SNCAIP: variants seen among roughly 807,000 people sequenced by gnomAD.
The protein encoded by SNCAIP is synphilin-1.
SNCAIP carries 43 observed loss-of-function variants against 86.7 expected under a neutral mutation model. The observed-to-expected ratio is 0.50, with a 90% CI of 0.39 to 0.64. The LOEUF is 0.64. Ranked by LOEUF, SNCAIP falls within the 30% of genes least tolerant of loss-of-function variation. The pLI is 0.00. For synonymous variants in SNCAIP, 417 were observed against 427.2 expected (o/e 0.98, Z 0.29); for missense variants, 981 against 1,103.1 (o/e 0.89, Z 1.57).
chr5:122,426,562 T>C (rs1200739978), intron 5 of SNCAIP, among the ~76,000 whole-genome samples: 1 of 152,226 alleles, frequency 6.6e-6, no homozygotes, highest in Non-Finnish European at 1.5e-5. Context: ...TTTTGCTCGG[T>C]TAAGCAAGGT....
At chr5:122,418,726 A>G (rs2152917278) in intron 3 of SNCAIP, among the ~76,000 whole-genome samples, 1 of 152,302 alleles carries the variant, frequency 6.6e-6, no homozygotes. Flanking sequence ...CACTCTGTAA[A>G]TCAGGGGTAT....
At chr5:122,360,790 A>G (rs1333266804) in intron 1 of SNCAIP, among the ~76,000 whole-genome samples, 1 of 152,178 alleles carries the variant, frequency 6.6e-6, no homozygotes, top group Non-Finnish European at 1.5e-5. Flanking sequence ...ATATTCACTT[A>G]GCACCTAAAT....
In SNCAIP at chr5:122,431,966, T is replaced by C; in HGVS notation, c.1183-3T>C. On this transcript the variant is annotated splice_polypyrimidine_tract_variant and splice_region_variant and intron_variant, in intron 5 of 10. Coordinates refer to ENST00000261368, the MANE Select transcript of SNCAIP (RefSeq NM_005460.4). ...CCATCTCCCTTTCTTTTTTAAAACC[T>C]AGAATGGTCAGTTGGAGTGCGTACG... The C allele has an allele frequency of 2.0e-6, 3 of 1,472,458 alleles. No individual in the cohort carries two copies. Among genetic ancestry groups the C allele is most frequent in the Non-Finnish European group, 2.9e-6 (3 of 1,051,138 alleles). The allele number at this position is 1,472,458 out of a possible 1,614,324, so 91.2% of individuals were successfully genotyped here.
intron 1 of SNCAIP, among the ~76,000 whole-genome samples, chr5:122,340,354 T>G (rs1002247834): frequency 1.3e-5 from 2 of 152,180 alleles, no homozygotes; most frequent in African/African-American, 4.8e-5. Context: ...ATTGTATATG[T>G]GAACACAGAG....
intron 1 of SNCAIP, among the ~76,000 whole-genome samples, chr5:122,377,645 C>T (rs1364331225): frequency 1.3e-5 from 2 of 151,098 alleles, no homozygotes; most frequent in Admixed American, 6.6e-5. Flanking sequence ...CCTACTAACT[C>T]GTCATCTAGC....
intron 1 of SNCAIP, among the ~76,000 whole-genome samples, chr5:122,346,000 G>T (rs754793013): frequency 9.2e-5 from 14 of 152,094 alleles, no homozygotes; most frequent in East Asian, 1.9e-4. Context: ...GATGAGTGAA[G>T]GTGACAGGGA....
At chr5:122,460,180 C>T (rs1199616124) in intron 10 of SNCAIP, among the ~76,000 whole-genome samples, 1 of 151,114 alleles carries the variant, frequency 6.6e-6, no homozygotes, top group Non-Finnish European at 1.5e-5. Flanking sequence ...GCAGTGCAGT[C>T]GTGTGATCTT....
chr5:122,400,859 G>C (rs2152865554), intron 2 of SNCAIP: 2 of 997,192 alleles, frequency 2.0e-6, no homozygotes, highest in Non-Finnish European at 2.8e-6. Flanking sequence ...AACAAATTTA[G>C]ATCAAAAGTC....
At chr5:122,331,284 C>G (rs1461268725) in intron 1 of SNCAIP, among the ~76,000 whole-genome samples, 3 of 152,140 alleles carry the variant, frequency 2.0e-5, no homozygotes, top group Non-Finnish European at 4.4e-5. Context: ...GACGTGAAAT[C>G]TCAAGTTCAT....
intron 2 of SNCAIP, among the ~76,000 whole-genome samples, chr5:122,399,215 GA>G (rs1561667993): frequency 6.6e-6 from 1 of 152,126 alleles, no homozygotes; most frequent in Non-Finnish European, 1.5e-5. Context: ...GGCACACTTA[GA>G]AAACAGGATA....
intron 1 of SNCAIP, among the ~76,000 whole-genome samples, chr5:122,362,758 T>A (rs1194799895): frequency 6.6e-6 from 1 of 152,172 alleles, no homozygotes; most frequent in Non-Finnish European, 1.5e-5. Flanking sequence ...GAACTGAGCG[T>A]GAACTACATT....
intron 1 of SNCAIP, among the ~76,000 whole-genome samples, chr5:122,341,081 G>A (rs759567545): frequency 6.6e-6 from 1 of 152,148 alleles, no homozygotes; most frequent in Non-Finnish European, 1.5e-5. Context: ...CTACTTTGCC[G>A]TGAGGAAGGA....
chr5:122,385,058 C>G (rs1361504555), intron 1 of SNCAIP, among the ~76,000 whole-genome samples: 3 of 152,248 alleles, frequency 2.0e-5, no homozygotes, highest in Non-Finnish European at 4.4e-5. Flanking sequence ...TTCCCATTCA[C>G]ACCTCCATCC....
At position 122,423,348 on chromosome 5, in the gene SNCAIP, T is replaced by C. The variant is rs953098145; in HGVS notation, c.611T>C (p.Met204Thr). ...AGTTCTGAGAGCTCATCATCCAACA[T>C]GGCACCATTTTGTGTTCTTTCTCCC... ...TGSSESSSSNMAPFCVLSPVK... is the reference protein window; with the variant it reads ...TGSSESSSSNTAPFCVLSPVK... Residue 204 changes from methionine (M) to threonine (T), a missense_variant, in exon 4 of 11, where the codon ATG (methionine) becomes ACG (threonine). Physicochemically the swap from Met to Thr is moderately conservative, Grantham distance 81 (BLOSUM62 -1). Coordinates refer to ENST00000261368, the MANE Select transcript of SNCAIP (RefSeq NM_005460.4). 6.2e-7 allele frequency: 1 copy of C among 1,613,836 alleles called. No homozygotes were observed. Among genetic ancestry groups the C allele is most frequent in the African/African-American group, 1.3e-5 (1 of 74,888 alleles).
At chr5:122,440,455 A>C in intron 6 of SNCAIP, 174 bp from the exon 7 acceptor site, 1 of 651,518 alleles carries the variant, frequency 1.5e-6, no homozygotes. Flanking sequence ...TCTTTCATTC[A>C]TTTCAGTCAG....
intron 1 of SNCAIP, among the ~76,000 whole-genome samples, chr5:122,384,443 T>C (rs1443095346): frequency 2.0e-5 from 3 of 152,116 alleles, no homozygotes; most frequent in Non-Finnish European, 4.4e-5. Context: ...TTTTGGCAAG[T>C]TGAAGTAGGA....
intron 1 of SNCAIP, among the ~76,000 whole-genome samples, chr5:122,380,582 G>A (rs1766501590): frequency 6.7e-6 from 1 of 149,494 alleles, no homozygotes; most frequent in Admixed American, 6.6e-5. Context: ...CCTTCTGCTA[G>A]CTTTTGAATG....
At chr5:122,316,816 G>A (rs1392450414) in intron 1 of SNCAIP, among the ~76,000 whole-genome samples, 2 of 152,164 alleles carry the variant, frequency 1.3e-5, no homozygotes, top group Non-Finnish European at 2.9e-5. Flanking sequence ...TGAAATTCAG[G>A]TGGTGCCCTT....
At chr5:122,417,917 C>A (rs1775636124) in intron 3 of SNCAIP, among the ~76,000 whole-genome samples, 2 of 152,292 alleles carry the variant, frequency 1.3e-5, no homozygotes, top group South Asian at 4.1e-4. Flanking sequence ...AGAGTTGTAA[C>A]AGAATTTCAA....
Sources: allele counts gnomAD v4.1 joint callset (sites outside exome capture counted in the v4.1 genomes callset), GRCh38; gene constraint gnomAD v4.1.1; transcripts MANE v1.5; gene names NCBI Gene and HGNC (gene_info 2026-07-23, HGNC 2026-07-21).